Variants in PSMB1 observed in about 807,000 individuals in gnomAD.
The protein encoded by PSMB1 is proteasome 20S subunit beta 1, also known as proteasome subunit beta type-1.
A neutral mutation model predicts 25.4 loss-of-function variants in PSMB1; 7 were observed. The observed-to-expected ratio is 0.28, with a 90% CI of 0.16 to 0.52. The LOEUF is 0.52. Among genes scored for constraint, PSMB1 ranks in the 20% least tolerant of loss-of-function variants. The pLI is 0.97. For missense variants in PSMB1, 284 were observed against 302.2 expected (o/e 0.94, Z 0.45); for synonymous variants, 119 against 115.0 (o/e 1.03, Z -0.22).
chr6:170,547,440 A>G lies in PSMB1; in HGVS notation c.222-1256T>C, dbSNP rs1403134594. ...GATATGAATCTATAAAGAAACCTAA[A>G]CAATATTTTGCAGAGGCCACACAAT... is the stretch of plus-strand genomic sequence containing the variant. On this transcript the variant is annotated intron_variant, in intron 2 of 5. Coordinates refer to ENST00000262193, the MANE Select transcript of PSMB1 (RefSeq NM_002793.4). Among the ~76,000 whole-genome samples, 3 of 152,216 alleles carry G rather than the reference A, an allele frequency of 2.0e-5. No individual in the cohort carries two copies. In the East Asian group the frequency reaches 5.8e-4, roughly 29 times the overall value.
Position 170,553,260 on chromosome 6 carries a change from G to A in PSMB1, c.-18C>T, listed in dbSNP as rs369453212. The A allele has an allele frequency of 7.6e-5, 120 of 1,576,964 alleles. 2 individuals carry two copies. The highest frequency in any genetic ancestry group is 1.9e-4 in the South Asian group (17 of 88,810). On this transcript the variant is annotated 5_prime_UTR_variant, in exon 1 of 6. Coordinates refer to ENST00000262193, the MANE Select transcript of PSMB1 (RefSeq NM_002793.4). ...GACAACATCGCACGGCTGCGCCTGC[G>A]GATCCGACACTTGCTGTCTCACGGC...
chr6:170,541,326 C>T (rs540520195), intron 4 of PSMB1, among the ~76,000 whole-genome samples: 234 of 152,104 alleles, frequency 1.5e-3, no homozygotes, highest in Non-Finnish European at 2.5e-3. Context: ...AAAATAAAAA[C>T]GAGTTACACA....
intron 3 of PSMB1, among the ~76,000 whole-genome samples, chr6:170,545,897 C>G (rs1778811117): frequency 6.6e-6 from 1 of 152,192 alleles, no homozygotes; most frequent in African/African-American, 2.4e-5. Context: ...AAGACTTTAA[C>G]AAATGGAATG....
chr6:170,537,830 G>C (rs560034868), intron 4 of PSMB1, among the ~76,000 whole-genome samples: 1 of 152,274 alleles, frequency 6.6e-6, no homozygotes, highest in South Asian at 2.1e-4. Context: ...GAGATGGTGA[G>C]GTTTCTGTAG....
intron 1 of PSMB1, chr6:170,549,505 G>A (rs770036744): frequency 2.4e-4 from 38 of 158,812 alleles, no homozygotes; most frequent in Admixed American, 5.8e-4. Context: ...GAGAAGATGA[G>A]ATTTTTTTTT....
chr6:170,546,566 A>G (rs554277733), intron 2 of PSMB1, among the ~76,000 whole-genome samples: 78 of 152,312 alleles, frequency 5.1e-4, no homozygotes, highest in African/African-American at 1.9e-3. Context: ...CCTGGGTTCA[A>G]GCAATTCCCC....
chr6:170,547,528 A>C (rs1220741440), intron 2 of PSMB1, among the ~76,000 whole-genome samples: 1 of 152,228 alleles, frequency 6.6e-6, no homozygotes, highest in Non-Finnish European at 1.5e-5. Flanking sequence ...AGAGCAGCTG[A>C]CACCTCTAGG....
At chr6:170,538,143 T>C (rs1477846544) in intron 4 of PSMB1, among the ~76,000 whole-genome samples, 1 of 152,232 alleles carries the variant, frequency 6.6e-6, no homozygotes, top group Non-Finnish European at 1.5e-5. Flanking sequence ...GGGAATTAAT[T>C]CATGTGCTTC....
At chr6:170,545,431 A>G (rs1778806666) in intron 3 of PSMB1, among the ~76,000 whole-genome samples, 1 of 152,236 alleles carries the variant, frequency 6.6e-6, no homozygotes, top group African/African-American at 2.4e-5. Context: ...ATAAATACTG[A>G]GTGAAATCCT....
In PSMB1 at chr6:170,535,297, T is replaced by C. The variant is rs1778676472; in HGVS notation, c.649A>G (p.Thr217Ala). Residue 217 changes from threonine to alanine, a missense_variant, in exon 6 of 6, where the codon ACT (threonine) becomes GCT (alanine). Transcript: ENST00000262193. ...ATGCAGATCCGGAGTGCGTCCCCAG[T>C]GTACACATCTCTCTCAGCCGCAGAA... ...FISAAERDVYTGDALRICIVT... is the reference protein window; with the variant it reads ...FISAAERDVYAGDALRICIVT... 1 of 1,614,152 alleles carries C rather than the reference T, an allele frequency of 6.2e-7. No homozygotes were observed. Among genetic ancestry groups the C allele is most frequent in the Non-Finnish European group, 8.5e-7 (1 of 1,180,020 alleles).
Position 170,535,348 on chromosome 6 carries a change from T to A in PSMB1, c.598A>T (p.Met200Leu). The A allele has an allele frequency of 6.2e-7, 1 of 1,614,214 alleles. No individual in the cohort carries two copies. Among genetic ancestry groups the A allele is most frequent in the Non-Finnish European group, 8.5e-7 (1 of 1,180,034 alleles). Residue 200 changes from methionine (M) to leucine (L), a missense_variant, in exon 6 of 6, where the codon ATG (methionine) becomes TTG (leucine). Transcript: ENST00000262193. Reference protein sequence around the residue: ...EHVPLSLDRAMRLVKDVFISA... With the variant: ...EHVPLSLDRALRLVKDVFISA... ...ATGAAGACATCTTTCACCAGCCGCA[T>A]GGCTCTGTCCAAGGACAGCGGAACA...
At chr6:170,548,875 T>C (rs1047822628) in intron 2 of PSMB1, 131 bp downstream of exon 2, 4 of 662,006 alleles carry the variant, frequency 6.0e-6, no homozygotes, top group Admixed American at 2.8e-5. Flanking sequence ...ACTTAGAAAA[T>C]GGTTTTCTAA....
chr6:170,546,337 C>T (rs139628337), intron 2 of PSMB1, among the ~76,000 whole-genome samples, 153 bp from the exon 3 acceptor site: 224 of 152,272 alleles, frequency 1.5e-3, no homozygotes, highest in African/African-American at 5.1e-3. Context: ...GTCTGTATTC[C>T]ATCTTACCCC....
In PSMB1 at chr6:170,553,244, GCACGGCTGCGCCTGCGGATCCGA is replaced by G; in HGVS notation, c.-25_-3del. ...ATACATGGCTGTAGAGGACAACATC[GCACGGCTGCGCCTGCGGATCCGA>G]CACTTGCTGTCTCACGGCGAGATGG... On this transcript the variant is annotated 5_prime_UTR_variant, in exon 1 of 6. Coordinates refer to ENST00000262193, the MANE Select transcript of PSMB1 (RefSeq NM_002793.4). 6.2e-7 allele frequency: 1 copy of G among 1,603,704 alleles called. No individual in the cohort carries two copies. Among genetic ancestry groups the G allele is most frequent in the Non-Finnish European group, 8.5e-7 (1 of 1,173,496 alleles).
chr6:170,547,033 G>C (rs905404528), intron 2 of PSMB1, among the ~76,000 whole-genome samples: 1 of 152,018 alleles, frequency 6.6e-6, no homozygotes, highest in Admixed American at 6.6e-5. Flanking sequence ...AAACATAAGA[G>C]CCTCTATGTT....
Position 170,549,047 on chromosome 6 carries a change from C to T in PSMB1, c.180G>A (p.Gly60=). ...IVASDTRLSE[G]FSIHTRDSPK... is the part of the protein sequence containing the mutation. Reference sequence around the variant, plus strand: ...GGCTATCCCGCGTATGAATTGAAAACCCTTCACTCAATCGAGTATCAGAAG... The same window carrying T: ...GGCTATCCCGCGTATGAATTGAAAATCCTTCACTCAATCGAGTATCAGAAG... Residue 60 remains glycine (G), a synonymous_variant, in exon 2 of 6, where the codon GGG becomes GGA. Coordinates refer to ENST00000262193, the MANE Select transcript of PSMB1 (RefSeq NM_002793.4). The T allele has an allele frequency of 6.2e-7, 1 of 1,613,772 alleles. No individual in the cohort carries two copies. Among genetic ancestry groups the T allele is most frequent in the Non-Finnish European group, 8.5e-7 (1 of 1,179,748 alleles).
intron 2 of PSMB1, 146 bp from the exon 3 acceptor site, chr6:170,546,330 T>C (rs1778818282): frequency 1.5e-6 from 1 of 649,222 alleles, no homozygotes; most frequent in Non-Finnish European, 2.7e-6. Context: ...AGGAGGGGTC[T>C]GTATTCCATC....
At chr6:170,544,785 AACT>A (rs1269194147) in intron 3 of PSMB1, among the ~76,000 whole-genome samples, 1 of 152,142 alleles carries the variant, frequency 6.6e-6, no homozygotes, top group Non-Finnish European at 1.5e-5. Context: ...ATTAGAAATG[AACT>A]ACAAGTAACA....
rs535898288 is a variant in PSMB1 at position 170,550,672 on chromosome 6, T to C, written c.114-1559A>G. On this transcript the variant is annotated intron_variant, in intron 1 of 5. Transcript: ENST00000262193. ...GACAGAAACACTGTTCTAATACTAC[T>C]AATGCAATAGTAAGGTAGCAGGGTG... Among the ~76,000 whole-genome samples, 16 of 152,290 alleles carry C rather than the reference T, an allele frequency of 1.1e-4. No homozygotes were observed. The South Asian group carries it at 1.7e-3, about 16-fold the overall frequency.
Sources: allele counts gnomAD v4.1 joint callset (sites outside exome capture counted in the v4.1 genomes callset), GRCh38; gene constraint gnomAD v4.1.1; transcripts MANE v1.5; gene names NCBI Gene and HGNC (gene_info 2026-07-23, HGNC 2026-07-21).